Variants in TMTC2 observed in about 807,000 individuals in gnomAD.
TMTC2 encodes transmembrane O-mannosyltransferase targeting cadherins 2.
Under a neutral mutation model 82.4 loss-of-function variants are expected in TMTC2, and 43 were observed. That is an observed-to-expected ratio of 0.52 (90% CI 0.41 to 0.67). The LOEUF (loss-of-function observed/expected upper bound fraction) is 0.67, where lower values mean the gene tolerates loss of function less well. Among genes scored for constraint, TMTC2 ranks in the 30% least tolerant of loss-of-function variants. The pLI is 0.00. For synonymous variants in TMTC2, 408 were observed against 381.9 expected (o/e 1.07, Z -0.80); for missense variants, 919 against 1,012.4 (o/e 0.91, Z 1.25).
chr12:83,073,975 A>G (rs1305203801), intron 11 of TMTC2, among the ~76,000 whole-genome samples: 1 of 151,970 alleles, frequency 6.6e-6, no homozygotes, highest in Non-Finnish European at 1.5e-5. Context: ...ATTCTTTTTC[A>G]GGTAAATCAA....
intron 4 of TMTC2, among the ~76,000 whole-genome samples, chr12:82,963,223 T>A (rs1174920392): frequency 6.6e-6 from 1 of 151,988 alleles, no homozygotes; most frequent in Non-Finnish European, 1.5e-5. Flanking sequence ...GATACAAGAA[T>A]GAATACAGGT....
intron 2 of TMTC2, among the ~76,000 whole-genome samples, chr12:82,879,290 T>A (rs1020735428): frequency 9.9e-5 from 15 of 152,282 alleles, no homozygotes; most frequent in African/African-American, 3.6e-4. Flanking sequence ...GTCCCCAACC[T>A]TTTTGGCCGG....
At chr12:82,876,482 T>C (rs999099876) in intron 2 of TMTC2, among the ~76,000 whole-genome samples, 5 of 152,080 alleles carry the variant, frequency 3.3e-5, no homozygotes, top group Non-Finnish European at 5.9e-5. Flanking sequence ...GAAGAACACA[T>C]AGGGTGGTTG....
At chr12:82,699,629 T>G (rs1312794670) in intron 1 of TMTC2, among the ~76,000 whole-genome samples, 1 of 152,196 alleles carries the variant, frequency 6.6e-6, no homozygotes, top group African/African-American at 2.4e-5. Context: ...GTTTTGTATA[T>G]CAAGAATTTG....
intron 1 of TMTC2, among the ~76,000 whole-genome samples, chr12:82,734,961 G>T (rs1875008927): frequency 6.6e-6 from 1 of 152,184 alleles, no homozygotes; most frequent in African/African-American, 2.4e-5. Flanking sequence ...TCAGTTAATA[G>T]AGTTTGTATC....
intron 1 of TMTC2, among the ~76,000 whole-genome samples, chr12:82,707,305 A>C (rs932587625): frequency 2.6e-5 from 4 of 152,114 alleles, no homozygotes; most frequent in African/African-American, 4.8e-5. Flanking sequence ...TATAATGAGG[A>C]TTTCATTCAG....
At chr12:82,712,056 A>G (rs1398851483) in intron 1 of TMTC2, among the ~76,000 whole-genome samples, 1 of 150,996 alleles carries the variant, frequency 6.6e-6, no homozygotes, top group African/African-American at 2.4e-5. Flanking sequence ...TTCTCTCCCC[A>G]TTTCCTTTCT....
At chr12:82,798,917 T>G (rs1009227664) in intron 1 of TMTC2, among the ~76,000 whole-genome samples, 8 of 152,014 alleles carry the variant, frequency 5.3e-5, no homozygotes, top group Non-Finnish European at 1.0e-4. Flanking sequence ...ATGATGATAC[T>G]TGCAGGAAAA....
At position 82,687,473 on chromosome 12, in the gene TMTC2, G is replaced by A; in HGVS notation, c.-114G>A. ...AGGGAGGGAGGGTGGGGAAGCGAGG[G>A]AAAAGTGAAGCTGGGAGGAGAAGGC... On this transcript the variant is annotated 5_prime_UTR_variant, in exon 1 of 12. Transcript: ENST00000321196. 3 of 1,022,238 alleles carry A rather than the reference G, an allele frequency of 2.9e-6. No individual in the cohort carries two copies. Among genetic ancestry groups the A allele is most frequent in the East Asian group, 2.6e-5 (1 of 38,234 alleles). 63.3% of individuals were successfully genotyped at this position (1,022,238 alleles called of 1,614,324 possible).
intron 2 of TMTC2, among the ~76,000 whole-genome samples, chr12:82,894,965 ATTTTTT>A (rs538079811): frequency 8.2e-6 from 1 of 122,422 alleles, no homozygotes; most frequent in African/African-American, 3.2e-5. Context: ...ATGCCTGGCA[ATTTTTT>A]TTTTTTTTTT....
chr12:82,828,966 T>C (rs1272907722), intron 1 of TMTC2, among the ~76,000 whole-genome samples: 1 of 152,094 alleles, frequency 6.6e-6, no homozygotes, highest in Non-Finnish European at 1.5e-5. Context: ...ATGGAAAAGG[T>C]AATTTGACAC....
At chr12:82,825,838 C>T (rs968945523) in intron 1 of TMTC2, among the ~76,000 whole-genome samples, 3 of 150,854 alleles carry the variant, frequency 2.0e-5, no homozygotes, top group African/African-American at 7.5e-5. Context: ...AGTGTGTTCA[C>T]TCTGTGATAG....
At chr12:82,859,301 C>T (rs564516868) in intron 2 of TMTC2, among the ~76,000 whole-genome samples, 27 of 152,030 alleles carry the variant, frequency 1.8e-4, no homozygotes, top group Non-Finnish European at 2.8e-4. Flanking sequence ...CTCTTGACCT[C>T]GTGATCTGCC....
intron 1 of TMTC2, among the ~76,000 whole-genome samples, chr12:82,820,487 G>T (rs1047165276): frequency 2.0e-5 from 3 of 151,370 alleles, no homozygotes; most frequent in Admixed American, 1.3e-4. Flanking sequence ...CGATTCTCTT[G>T]CCCCAGCCTC....
At chr12:83,030,173 C>T (rs763977751) in intron 8 of TMTC2, among the ~76,000 whole-genome samples, 2 of 152,122 alleles carry the variant, frequency 1.3e-5, no homozygotes, top group Non-Finnish European at 2.9e-5. Context: ...TGTCTCATTT[C>T]GTTTAGCCTT....
chr12:82,888,960 C>T (rs1028457174), intron 2 of TMTC2, among the ~76,000 whole-genome samples: 1 of 151,980 alleles, frequency 6.6e-6, no homozygotes, highest in African/African-American at 2.4e-5. Context: ...AAAATAATAG[C>T]TTCAATAAAT....
intron 9 of TMTC2, among the ~76,000 whole-genome samples, chr12:83,046,661 C>T (rs938548728): frequency 6.6e-6 from 1 of 152,152 alleles, no homozygotes; most frequent in African/African-American, 2.4e-5. Context: ...GGGCTTGTCT[C>T]TGTCTTGATG....
intron 10 of TMTC2, among the ~76,000 whole-genome samples, chr12:83,061,014 C>T (rs1020000698): frequency 6.6e-5 from 10 of 151,704 alleles, no homozygotes; most frequent in East Asian, 1.9e-4. Context: ...AGGCTTAAAT[C>T]GGCAGGAAAC....
intron 9 of TMTC2, among the ~76,000 whole-genome samples, chr12:83,045,310 A>G (rs1346323898): frequency 6.6e-6 from 1 of 152,142 alleles, no homozygotes; most frequent in Non-Finnish European, 1.5e-5. Flanking sequence ...AATTTGTGAT[A>G]ATTAAGATGA....
Sources: gnomAD v4.1 joint callset for allele counts (sites outside exome capture counted in the v4.1 genomes callset) on GRCh38, gnomAD v4.1.1 for gene constraint, MANE v1.5 for transcripts, NCBI Gene and HGNC (gene_info 2026-07-23, HGNC 2026-07-21) for gene names.